The following KCNAB2 variants were observed in gnomAD, a reference collection of about 807,000 sequenced individuals.
KCNAB2 encodes the protein potassium voltage-gated channel subfamily A regulatory beta subunit 2.
KCNAB2 carries 29 observed loss-of-function variants against 63.6 expected under a neutral mutation model. That is an observed-to-expected ratio of 0.46 (90% confidence interval 0.34 to 0.62). The LOEUF is 0.62. KCNAB2 is among the 20% of genes least tolerant of loss of function. The pLI, the probability that KCNAB2 is intolerant of heterozygous loss-of-function variation, is 0.01. For missense variants in KCNAB2, 359 were observed against 563.9 expected (o/e 0.64, Z 3.68); for synonymous variants, 222 against 224.2 (o/e 0.99, Z 0.09).
intron 1 of KCNAB2, among the ~76,000 whole-genome samples, chr1:5,995,442 C>T (rs939572674): frequency 1.3e-5 from 2 of 152,238 alleles, no homozygotes; most frequent in African/African-American, 4.8e-5. Flanking sequence ...GACCGGCTGT[C>T]CCTTCAGAAG....
chr1:6,098,226 C>T, intron 15 of KCNAB2: 2 of 1,231,150 alleles, frequency 1.6e-6, no homozygotes, highest in East Asian at 3.9e-5. Flanking sequence ...GTCACTGCTG[C>T]CACCACCCTT....
At chr1:6,008,758 C>T (rs567713529) in intron 1 of KCNAB2, among the ~76,000 whole-genome samples, 2 of 152,276 alleles carry the variant, frequency 1.3e-5, no homozygotes, top group East Asian at 3.9e-4. Context: ...CCCCGAACCA[C>T]CACCCCAGAG....
Position 6,051,613 on chromosome 1 carries a change from T to G in KCNAB2, c.77T>G (p.Val26Gly). 1 of 1,534,768 alleles carries G rather than the reference T, an allele frequency of 6.5e-7. No individual in the cohort carries two copies. The highest frequency in any genetic ancestry group is 8.7e-7 in the Non-Finnish European group (1 of 1,146,648). The change falls in exon 2 of 16, where the codon GTC becomes GGC. Residue 26 changes from valine (V) to glycine (G), a missense_variant. Around this residue, in one of 2 missense-constraint regions of KCNAB2, gnomAD observed 88 missense variants for 87.8 expected, o/e 1.00. Coordinates refer to ENST00000378083, the MANE Select transcript of KCNAB2 (RefSeq NM_001199862.2). ...RCHSEWALHP[V>G]RQTDTLELQR... ...CACTCTGAATGGGCCCTGCACCCCG[T>G]CCGCCAGACGGACACGCTGGAACTG...
intron 1 of KCNAB2, among the ~76,000 whole-genome samples, chr1:6,002,975 C>T (rs964894277): frequency 6.6e-6 from 1 of 152,036 alleles, no homozygotes; most frequent in South Asian, 2.1e-4. Flanking sequence ...CAGCTCCTCC[C>T]GTCTCTGTGT....
upstream of KCNAB2, among the ~76,000 whole-genome samples, chr1:6,042,272 C>T (rs1246356068): frequency 3.9e-5 from 6 of 152,186 alleles, no homozygotes; most frequent in African/African-American, 1.4e-4. Flanking sequence ...TCCCCCTTTG[C>T]CTGTGGGTTT....
intron 4 of KCNAB2, among the ~76,000 whole-genome samples, chr1:6,077,029 C>G (rs1663725225): frequency 6.6e-6 from 1 of 151,820 alleles, no homozygotes; most frequent in Non-Finnish European, 1.5e-5. Flanking sequence ...ACTAAAAATA[C>G]AAAAAAATTA....
At position 6,092,466 on chromosome 1, in the gene KCNAB2, A is replaced by G. The variant is rs558427837; in HGVS notation, c.646+1159A>G. On this transcript the variant is annotated intron_variant, in intron 10 of 15. Transcript: ENST00000378083. ...CCTGAGACAGCTGCCGGGGAGGGAGAGTGAGGGAACGGGGCTGGCCTTGGG... is the reference window on the plus strand; with the variant it reads ...CCTGAGACAGCTGCCGGGGAGGGAGGGTGAGGGAACGGGGCTGGCCTTGGG... Among the ~76,000 whole-genome samples the G allele has an allele frequency of 3.3e-5, 5 of 152,324 alleles. No homozygotes were observed. In the East Asian group the frequency reaches 9.7e-4, roughly 29 times the overall value.
At chr1:6,097,392 A>G (rs1008543705) in intron 15 of KCNAB2, 35 bp downstream of exon 15, 1 of 1,549,524 alleles carries the variant, frequency 6.5e-7, no homozygotes, top group African/African-American at 1.4e-5. Context: ...CAGAGGGCCC[A>G]TCCCAGCCCG....
chr1:6,006,750 C>A (rs901561884), intron 1 of KCNAB2, among the ~76,000 whole-genome samples: 6 of 148,846 alleles, frequency 4.0e-5, no homozygotes, highest in Non-Finnish European at 8.9e-5. Flanking sequence ...CCTACTCCAC[C>A]CTCACCCCTC....
At chr1:6,014,350 C>T (rs938481913) in intron 1 of KCNAB2, among the ~76,000 whole-genome samples, 3 of 152,358 alleles carry the variant, frequency 2.0e-5, no homozygotes, top group Admixed American at 2.0e-4. Flanking sequence ...ACGTGAAGCC[C>T]AGGGCTGAAG....
intron 1 of KCNAB2, among the ~76,000 whole-genome samples, chr1:6,025,214 C>T (rs1659067269): frequency 6.6e-6 from 1 of 152,160 alleles, no homozygotes; most frequent in African/African-American, 2.4e-5. Context: ...ACAGCAGCAC[C>T]CCTGGTGTAG....
At position 6,094,494 on chromosome 1, in the gene KCNAB2, G is replaced by T. The variant is rs1309174472; in HGVS notation, c.732+9G>T. On this transcript the variant is annotated intron_variant, in intron 11 of 15. Coordinates refer to ENST00000378083, the MANE Select transcript of KCNAB2 (RefSeq NM_001199862.2). ...GCTCCATGGAGATCATGGTACGGTG[G>T]CCGCGCAGCATGTGTGTGTCCAGGC... 1 of 1,603,550 alleles carries T rather than the reference G, an allele frequency of 6.2e-7. No individual in the cohort carries two copies. Among genetic ancestry groups the T allele is most frequent in the South Asian group, 1.1e-5 (1 of 89,626 alleles).
chr1:6,050,869 C>A (rs1176245907), intron 1 of KCNAB2, among the ~76,000 whole-genome samples: 2 of 152,256 alleles, frequency 1.3e-5, no homozygotes, highest in Non-Finnish European at 2.9e-5. Context: ...GCCCAAAGAT[C>A]TCTGCGGTGC....
At chr1:6,052,442 A>T (rs1444900191) in intron 2 of KCNAB2, among the ~76,000 whole-genome samples, 5 of 150,548 alleles carry the variant, frequency 3.3e-5, no homozygotes, top group Admixed American at 3.3e-4. Context: ...AAAAAAAAAA[A>T]GTTTAGTAAA....
chr1:6,080,602 G>A lies in KCNAB2; in HGVS notation c.301-1593G>A, dbSNP rs1160304217. ...TCAGCTGTGCTGTATTTCAGTGTCTGAGATGTTTGGGGATGAGTGCCAGTG... is the reference window on the plus strand; with the variant it reads ...TCAGCTGTGCTGTATTTCAGTGTCTAAGATGTTTGGGGATGAGTGCCAGTG... On this transcript the variant is annotated intron_variant, in intron 4 of 15. Coordinates refer to ENST00000378083, the MANE Select transcript of KCNAB2 (RefSeq NM_001199862.2). 3.3e-5 allele frequency among the ~76,000 whole-genome samples: 5 copies of A among 152,178 alleles called. No individual in the cohort carries two copies. The East Asian group carries it at 9.6e-4, about 29-fold the overall frequency.
chr1:6,029,810 C>A (rs1659463012), upstream of KCNAB2, among the ~76,000 whole-genome samples: 1 of 152,204 alleles, frequency 6.6e-6, no homozygotes, highest in African/African-American at 2.4e-5. Context: ...TCCCAGGAAC[C>A]CAGACTGATC....
intron 4 of KCNAB2, among the ~76,000 whole-genome samples, chr1:6,077,681 G>C (rs1183425009): frequency 6.6e-6 from 1 of 152,228 alleles, no homozygotes; most frequent in Non-Finnish European, 1.5e-5. Flanking sequence ...TTTGTTCTTA[G>C]TCTATGAGCA....
In KCNAB2 at chr1:6,087,930, C is replaced by T. The variant is rs940217840; in HGVS notation, c.470+419C>T. On this transcript the variant is annotated intron_variant, in intron 7 of 15. Coordinates refer to ENST00000378083, the MANE Select transcript of KCNAB2 (RefSeq NM_001199862.2). The surrounding 1 kb of genome is among the most constrained non-coding windows in gnomAD (Gnocchi z 6.4). The stretch of plus-strand genomic sequence containing the variant: ...AAACCCCCAAAGCACTCCAAATTCC[C>T]TGGGCCGCCTGTCACCCCTGCAGGT... Among the ~76,000 whole-genome samples the T allele has an allele frequency of 6.6e-6, 1 of 152,228 alleles. No homozygotes were observed. The highest frequency in any genetic ancestry group is 6.5e-5 in the Admixed American group (1 of 15,286).
chr1:6,082,342 C>A, intron 5 of KCNAB2, 68 bp downstream of exon 5: 3 of 1,257,388 alleles, frequency 2.4e-6, no homozygotes, highest in Non-Finnish European at 3.5e-6. Flanking sequence ...TACAGGGATT[C>A]CTGCCGCTCG....
Sources: allele counts gnomAD v4.1 joint callset (sites outside exome capture counted in the v4.1 genomes callset), GRCh38; gene constraint gnomAD v4.1.1; regional missense constraint gnomAD v4.1.1; non-coding constraint Gnocchi (gnomAD v3.1); transcripts MANE v1.5; gene names NCBI Gene and HGNC (gene_info 2026-07-23, HGNC 2026-07-21).